Variants in HK1 observed in about 807,000 individuals in gnomAD.
HK1 encodes the protein hexokinase 1.
In HK1, 28 loss-of-function variants were observed where a neutral mutation model predicts 91.6. The observed-to-expected ratio is 0.31, with a 90% CI of 0.23 to 0.42. HK1 has a LOEUF of 0.42. Ranked by LOEUF, HK1 falls within the 10% of genes least tolerant of loss-of-function variation. The probability of loss-of-function intolerance (pLI) is 1.00; values close to 1 mark genes in which losing one functional copy is unlikely to be tolerated. For synonymous variants in HK1, 430 were observed against 468.1 expected, an observed-to-expected ratio of 0.92 and a Z score of 1.05; for missense variants, 770 against 1,219.8, an observed-to-expected ratio of 0.63 and a Z score of 5.49.
At chr10:69,275,581 C>CA (rs1348529765) in intron 1 of HK1, among the ~76,000 whole-genome samples, 1 of 151,912 alleles carries the variant, frequency 6.6e-6, no homozygotes, top group Non-Finnish European at 1.5e-5. Flanking sequence ...GCTGTTGTAA[C>CA]AAAAAAGGAG....
Position 69,398,980 on chromosome 10 carries a change from A to G in HK1, c.2609+152A>G, listed in dbSNP as rs1840267590. On this transcript the variant is annotated intron_variant, in intron 17 of 17. Coordinates refer to ENST00000359426, the MANE Select transcript of HK1 (RefSeq NM_000188.3). The stretch of plus-strand genomic sequence containing the variant: ...TCAGGAGCTGGGGATTGTCTAGGAC[A>G]AGGTAATGAACAGTTTGTAGGGTTT... The G allele has an allele frequency of 7.9e-6, 5 of 636,364 alleles. No individual in the cohort carries two copies. The South Asian group carries it at 9.4e-5, about 12-fold the overall frequency. 39.4% of individuals were successfully genotyped at this position (636,364 alleles called of 1,614,324 possible). A position where few individuals can be genotyped will look rare whatever the true frequency, so the allele number is the denominator to read the frequency against.
At chr10:69,321,976 C>T (rs577008561) in intron 1 of HK1, among the ~76,000 whole-genome samples, 2 of 152,358 alleles carry the variant, frequency 1.3e-5, no homozygotes, top group South Asian at 4.1e-4. Flanking sequence ...GAATCCCAGA[C>T]ATCTGCCAGT....
chr10:69,299,183 T>C (rs1488695989), intron 4 of HK1, among the ~76,000 whole-genome samples: 1 of 151,326 alleles, frequency 6.6e-6, no homozygotes, highest in Admixed American at 6.6e-5. Flanking sequence ...AATAAGTGTG[T>C]TGTTGTTGAA....
intron 1 of HK1, among the ~76,000 whole-genome samples, chr10:69,326,109 C>G (rs1847358637): frequency 6.6e-6 from 1 of 150,956 alleles, no homozygotes; most frequent in Non-Finnish European, 1.5e-5. Flanking sequence ...GTTGGGATTA[C>G]AGACGTGAGC....
intron 16 of HK1, 136 bp from the exon 17 acceptor site, chr10:69,398,459 A>T: frequency 1.4e-6 from 1 of 727,170 alleles, no homozygotes; most frequent in South Asian, 1.5e-5. Context: ...CCACAGTTTA[A>T]CATGTAACAC....
At chr10:69,394,219 G>A (rs1840036646) in intron 15 of HK1, among the ~76,000 whole-genome samples, 1 of 152,214 alleles carries the variant, frequency 6.6e-6, no homozygotes, top group Non-Finnish European at 1.5e-5. Context: ...CTTGAGCATG[G>A]AGAGGGCAGG....
At chr10:69,276,722 T>C (rs576574834) in intron 1 of HK1, among the ~76,000 whole-genome samples, 4 of 150,440 alleles carry the variant, frequency 2.7e-5, no homozygotes, top group African/African-American at 9.7e-5. Context: ...ATTTAATTAT[T>C]AATTAACATA....
chr10:69,274,237 A>C (rs1024743881), intron 1 of HK1, among the ~76,000 whole-genome samples: 1 of 152,142 alleles, frequency 6.6e-6, no homozygotes, highest in African/African-American at 2.4e-5. Context: ...TGAGCTCAGG[A>C]GTTCAAGACC....
intron 4 of HK1, 24 bp from the exon 5 acceptor site, chr10:69,368,512 A>G (rs1393625836): frequency 6.2e-7 from 1 of 1,606,394 alleles, no homozygotes; most frequent in Non-Finnish European, 8.5e-7. Flanking sequence ...GCCCTCATCC[A>G]GCCCCATCCA....
At chr10:69,368,472 C>A in intron 4 of HK1, 64 bp from the exon 5 acceptor site, 1 of 1,399,656 alleles carries the variant, frequency 7.1e-7, no homozygotes, top group South Asian at 1.2e-5. Context: ...GGAGCAATGC[C>A]CAGGGCCTTG....
rs191275724 is a variant in HK1, at chr10:69,391,693, T to C, written c.2036-432T>C. Among the ~76,000 whole-genome samples the C allele has an allele frequency of 9.2e-5, 14 of 152,264 alleles. No homozygotes were observed. The East Asian group carries it at 2.7e-3, about 29-fold the overall frequency. On this transcript the variant is annotated intron_variant, in intron 14 of 17. Coordinates refer to ENST00000359426, the MANE Select transcript of HK1 (RefSeq NM_000188.3). ...ATATCTATGGTATGATAGAAGATAA[T>C]CCCCTAATATTTTATACACATATAT...
At chr10:69,299,095 A>G (rs1484257022) in intron 4 of HK1, among the ~76,000 whole-genome samples, 1 of 151,348 alleles carries the variant, frequency 6.6e-6, no homozygotes, top group African/African-American at 2.4e-5. Flanking sequence ...GTGCGCCACC[A>G]TGCCCGACCT....
At chr10:69,283,808 A>AAAAAAAAAAAAAAAAAAAG (rs1564751495) in intron 2 of HK1, among the ~76,000 whole-genome samples, 27 of 144,756 alleles carry the variant, frequency 1.9e-4, no homozygotes, top group South Asian at 6.6e-4. Context: ...CAAAAAAAAA[A>AAAAAAAAAAAAAAAAAAAG]AAAAAAAAAG....
At chr10:69,306,443 A>G (rs75048187) in intron 5 of HK1, among the ~76,000 whole-genome samples, 5,959 of 152,222 alleles carry the variant, frequency 0.039, 183 homozygotes, top group East Asian at 0.095. Flanking sequence ...GGAAAGAGGA[A>G]AGGGAAAAAA....
chr10:69,350,888 T>C (rs1848820467), intron 2 of HK1, among the ~76,000 whole-genome samples: 1 of 151,372 alleles, frequency 6.6e-6, no homozygotes. Context: ...AAACCAAAGC[T>C]GGCCGGGCGC....
chr10:69,286,081 A>T lies in HK1; in HGVS notation c.-214-2590A>T, dbSNP rs148438047. Among the ~76,000 whole-genome samples the T allele has an allele frequency of 2.9e-4, 44 of 152,328 alleles. No homozygotes were observed. In the East Asian group the frequency reaches 7.3e-3, roughly 25 times the overall value. On this transcript the variant is annotated intron_variant, in intron 2 of 21. Transcript: ENST00000360289. ...TTTGGTAACTCATAGCAGTGTTTTAACTAGACTCGGGAAGTTGCCTGGGGA... is the reference window on the plus strand; with the variant it reads ...TTTGGTAACTCATAGCAGTGTTTTATCTAGACTCGGGAAGTTGCCTGGGGA...
intron 12 of HK1, among the ~76,000 whole-genome samples, chr10:69,385,453 G>A (rs979794182): frequency 1.3e-5 from 2 of 152,208 alleles, no homozygotes; most frequent in South Asian, 2.1e-4. Flanking sequence ...ACAGTCTAGT[G>A]GGGGAGCCGA....
intron 1 of HK1, among the ~76,000 whole-genome samples, chr10:69,337,301 C>T (rs1015692465): frequency 6.6e-5 from 10 of 152,154 alleles, no homozygotes; most frequent in African/African-American, 2.4e-4. Context: ...TTCTAAACTC[C>T]CCAACTTAGC....
intron 3 of HK1, among the ~76,000 whole-genome samples, chr10:69,289,105 T>A (rs1484419290): frequency 1.3e-5 from 2 of 152,256 alleles, no homozygotes; most frequent in African/African-American, 4.8e-5. Context: ...GGCTCACATG[T>A]ACCATAGCCT....
Sources: allele counts gnomAD v4.1 joint callset (sites outside exome capture counted in the v4.1 genomes callset), GRCh38; gene constraint gnomAD v4.1.1; transcripts MANE v1.5; gene names NCBI Gene and HGNC (gene_info 2026-07-23, HGNC 2026-07-21).